The following SHANK2 variants were observed in gnomAD, a reference collection of about 807,000 sequenced individuals.
SHANK2 encodes SH3 and multiple ankyrin repeat domains 2.
Under a neutral mutation model 133.7 loss-of-function variants are expected in SHANK2, and 43 were observed. The observed-to-expected ratio is 0.32, with a 90% confidence interval of 0.25 to 0.41. The LOEUF (loss-of-function observed/expected upper bound fraction) is 0.41, where lower values mean the gene tolerates loss of function less well. Among genes scored for constraint, SHANK2 ranks in the 10% least tolerant of loss-of-function variants. SHANK2 has a pLI of 1.00. For missense variants in SHANK2, 1,994 were observed against 2,235.8 expected, an observed-to-expected ratio of 0.89 and a Z score of 2.18; for synonymous variants, 1,017 against 952.8, an observed-to-expected ratio of 1.07 and a Z score of -1.24.
At position 71,163,093 on chromosome 11, in the gene SHANK2, A is replaced by AAAAACATATATATATAT; in HGVS notation, c.-12-15756_-12-15755insATATATATATATGTTTT. Among the ~76,000 whole-genome samples the AAAAACATATATATATAT allele has an allele frequency of 1.7e-4, 14 of 84,700 alleles. 1 individual carries two copies. The highest frequency in any genetic ancestry group is 5.0e-4 in the African/African-American group (11 of 21,784). 55.6% of individuals were successfully genotyped at this position (84,700 alleles called of 152,430 possible). A position where few individuals can be genotyped will look rare whatever the true frequency, so the allele number is the denominator to read the frequency against. ...GTCTAAAAAAAAAAAAAAAAAAAAAAATACATATATATATATATACAGAAT... is the reference window on the plus strand; with the variant it reads ...GTCTAAAAAAAAAAAAAAAAAAAAAAAAAACATATATATATATATACATATATATATATATACAGAAT... On this transcript the variant is annotated intron_variant, in intron 2 of 25. Coordinates refer to ENST00000601538, the MANE Select transcript of SHANK2 (RefSeq NM_012309.5).
rs1422652482 is a variant in SHANK2 at position 70,569,772 on chromosome 11, T to TG, written c.2062-66842dup. ...ACTGGGGAAGATGCTCTCCTGTCCC[T>TG]GGGGGGCTGTGATGCTGGCAGATGT... On this transcript the variant is annotated intron_variant, in intron 17 of 25. Coordinates refer to ENST00000601538, the MANE Select transcript of SHANK2 (RefSeq NM_012309.5). This position sits in a 1 kb window ranked among gnomAD's most constrained non-coding sequence, Gnocchi z 5.1. Among the ~76,000 whole-genome samples, 1 of 151,782 alleles carries TG rather than the reference T, an allele frequency of 6.6e-6. No individual in the cohort carries two copies. The highest frequency in any genetic ancestry group is 1.5e-5 in the Non-Finnish European group (1 of 67,946).
Position 70,485,827 on chromosome 11 carries a change from G to C in SHANK2, c.4466C>G (p.Ser1489Cys). Residue 1489 changes from serine to cysteine, a missense_variant, in exon 25 of 26, where the codon TCT (serine) becomes TGT (cysteine). Ser to Cys is a moderately radical substitution (Grantham distance 112). Coordinates refer to ENST00000601538, the MANE Select transcript of SHANK2 (RefSeq NM_012309.5). This position sits in a 1 kb window ranked among gnomAD's most constrained non-coding sequence, Gnocchi z 5.8. ...CCGGCTGTCCACCTCCTCGATCCCAGAGTCGGCGACGGCGTCAAAGCTTTC... is the reference window on the plus strand; with the variant it reads ...CCGGCTGTCCACCTCCTCGATCCCACAGTCGGCGACGGCGTCAAAGCTTTC... ...PPESFDAVADSGIEEVDSRSS... is the reference protein window; with the variant it reads ...PPESFDAVADCGIEEVDSRSS... The C allele has an allele frequency of 6.2e-7, 1 of 1,614,048 alleles. No homozygotes were observed. The highest frequency in any genetic ancestry group is 8.5e-7 in the Non-Finnish European group (1 of 1,180,032).
In SHANK2 at chr11:70,472,151, T is replaced by C. The variant is rs2058603840; in HGVS notation, c.*718A>G. ...CTGCTTGGCCACCTTGGAATTATGC[T>C]AACAGATTTGCAGAAATAAAGAAAG... On this transcript the variant is annotated 3_prime_UTR_variant, in exon 26 of 26. Coordinates refer to ENST00000601538, the MANE Select transcript of SHANK2 (RefSeq NM_012309.5). The surrounding 1 kb of genome is among the most constrained non-coding windows in gnomAD (Gnocchi z 4.4). The C allele has an allele frequency of 6.5e-6, 1 of 152,790 alleles. No homozygotes were observed. The highest frequency in any genetic ancestry group is 2.1e-4 in the South Asian group (1 of 4,834). The allele number at this position is 152,790 out of a possible 1,614,324, so 9.5% of individuals were successfully genotyped here. A position where few individuals can be genotyped will look rare whatever the true frequency, so the allele number is the denominator to read the frequency against.
Position 70,860,579 on chromosome 11 carries a change from T to C in SHANK2, c.1174+35922A>G, listed in dbSNP as rs75141024. On this transcript the variant is annotated intron_variant, in intron 11 of 25. Coordinates refer to ENST00000601538, the MANE Select transcript of SHANK2 (RefSeq NM_012309.5). Reference sequence around the variant, plus strand: ...GACTCAGTCTTGCTTTTCTACCAGTTGGGTGAATGAACGAGGACAAATGAT... The same window carrying C: ...GACTCAGTCTTGCTTTTCTACCAGTCGGGTGAATGAACGAGGACAAATGAT... Among the ~76,000 whole-genome samples the C allele has an allele frequency of 6.6e-3, 1,002 of 152,322 alleles. 14 individuals carry two copies. Among genetic ancestry groups the C allele is most frequent in the African/African-American group, 0.023 (971 of 41,576 alleles).
chr11:70,851,233 C>G (rs1949082461), intron 11 of SHANK2, among the ~76,000 whole-genome samples: 2 of 152,156 alleles, frequency 1.3e-5, no homozygotes, highest in African/African-American at 2.4e-5. Context: ...AACAAAGGCA[C>G]AAGAAAGGGC....
intron 10 of SHANK2, among the ~76,000 whole-genome samples, chr11:70,926,871 A>C (rs1555081713): frequency 6.6e-6 from 1 of 152,232 alleles, no homozygotes; most frequent in Non-Finnish European, 1.5e-5. Context: ...TCTGTGGATA[A>C]GGAGGACGAA....
In SHANK2 at chr11:70,891,451, G is replaced by A. The variant is rs1402125573; in HGVS notation, c.1174+5050C>T. On this transcript the variant is annotated intron_variant, in intron 11 of 25. Coordinates refer to ENST00000601538, the MANE Select transcript of SHANK2 (RefSeq NM_012309.5). ...CGGGAGGCGGAGCTTGCAGTGAGCC[G>A]AGATCGCGCCACTGCACTCCAGCCT... Among the ~76,000 whole-genome samples, 22 of 152,014 alleles carry A rather than the reference G, an allele frequency of 1.4e-4. No homozygotes were observed. The South Asian group carries it at 2.7e-3, about 19-fold the overall frequency.
intron 2 of SHANK2, among the ~76,000 whole-genome samples, chr11:71,204,321 C>T (rs1241572206): frequency 6.6e-6 from 1 of 152,230 alleles, no homozygotes; most frequent in Admixed American, 6.5e-5. Context: ...GCTCAGGGCA[C>T]GGGCAGAGGG....
chr11:71,156,960 C>T (rs1315311280), intron 2 of SHANK2, among the ~76,000 whole-genome samples: 1 of 152,138 alleles, frequency 6.6e-6, no homozygotes, highest in African/African-American at 2.4e-5. Context: ...AGGCCAGCAC[C>T]CTGCCAAGTA....
In SHANK2 at chr11:70,468,767, G is replaced by A. The variant is rs61885874; in HGVS notation, c.*4102C>T. ...TTTTTCCTGAACGTGGAAGCATAGAGGCTGCTGCTCAACTGGGGAATGTGC... is the reference window on the plus strand; with the variant it reads ...TTTTTCCTGAACGTGGAAGCATAGAAGCTGCTGCTCAACTGGGGAATGTGC... On this transcript the variant is annotated 3_prime_UTR_variant, in exon 26 of 26. Coordinates refer to ENST00000601538, the MANE Select transcript of SHANK2 (RefSeq NM_012309.5). The A allele has an allele frequency of 2.0e-5, 3 of 152,172 alleles. No individual in the cohort carries two copies. Among genetic ancestry groups the A allele is most frequent in the Non-Finnish European group, 4.4e-5 (3 of 68,054 alleles). The allele number at this position is 152,172 out of a possible 1,614,324, so 9.4% of individuals were successfully genotyped here.
intron 17 of SHANK2, among the ~76,000 whole-genome samples, chr11:70,638,675 T>C (rs1301593648): frequency 6.6e-6 from 1 of 152,168 alleles, no homozygotes; most frequent in Non-Finnish European, 1.5e-5. Flanking sequence ...AATAGAAAGA[T>C]TTCCTAGAAA....
intron 11 of SHANK2, among the ~76,000 whole-genome samples, chr11:70,885,111 T>C (rs1392027532): frequency 4.6e-5 from 7 of 152,160 alleles, no homozygotes; most frequent in Non-Finnish European, 8.8e-5. Context: ...TACAACACTT[T>C]TTCTAAGAGA....
intron 17 of SHANK2, among the ~76,000 whole-genome samples, chr11:70,595,312 C>T (rs2060384894): frequency 6.6e-6 from 1 of 152,208 alleles, no homozygotes; most frequent in Admixed American, 6.5e-5. Flanking sequence ...TCCAAGCGCC[C>T]CCTCGCAGCC....
At chr11:70,596,821 C>T (rs1470902543) in intron 17 of SHANK2, among the ~76,000 whole-genome samples, 6 of 152,114 alleles carry the variant, frequency 3.9e-5, no homozygotes, top group Admixed American at 1.3e-4. Flanking sequence ...GAGGAATCAT[C>T]GAGGCTTCTC....
chr11:70,514,223 G>A (rs1037082757), intron 17 of SHANK2, among the ~76,000 whole-genome samples: 7 of 152,060 alleles, frequency 4.6e-5, no homozygotes, highest in Admixed American at 2.6e-4. Context: ...TGTAGAAGAC[G>A]GCGGAACAAC....
intron 10 of SHANK2, chr11:70,908,032 TG>T (rs1565398786): frequency 2.5e-6 from 1 of 399,442 alleles, no homozygotes; most frequent in Non-Finnish European, 5.2e-6. Flanking sequence ...ACCCGGGAAG[TG>T]GAGGTTGCAG....
intron 11 of SHANK2, among the ~76,000 whole-genome samples, chr11:70,881,283 G>A (rs1949655392): frequency 6.6e-6 from 1 of 152,060 alleles, no homozygotes; most frequent in African/African-American, 2.4e-5. Flanking sequence ...CTGGGCTCAA[G>A]CAATCCTCCA....
intron 8 of SHANK2, among the ~76,000 whole-genome samples, chr11:71,081,530 G>A (rs1951300682): frequency 6.6e-6 from 1 of 152,128 alleles, no homozygotes; most frequent in African/African-American, 2.4e-5. Context: ...TATGTCAGGA[G>A]GGCAGGATAG....
At chr11:70,889,355 C>T (rs1949802453) in intron 11 of SHANK2, among the ~76,000 whole-genome samples, 2 of 152,184 alleles carry the variant, frequency 1.3e-5, no homozygotes, top group African/African-American at 4.8e-5. Flanking sequence ...GCCCTGCCAA[C>T]ACCTTGATTT....
Sources: allele counts gnomAD v4.1 joint callset (sites outside exome capture counted in the v4.1 genomes callset), GRCh38; gene constraint gnomAD v4.1.1; non-coding constraint Gnocchi (gnomAD v3.1); transcripts MANE v1.5; gene names NCBI Gene and HGNC (gene_info 2026-07-23, HGNC 2026-07-21).